The following PAPPA2 variants were observed in gnomAD, a reference collection of about 807,000 sequenced individuals.
PAPPA2 encodes the protein pappalysin 2, also known as pappalysin-2.
In PAPPA2, 86 loss-of-function variants were observed where a neutral mutation model predicts 176.4. The observed-to-expected ratio is 0.49, with a 90% confidence interval of 0.41 to 0.58. The LOEUF (loss-of-function observed/expected upper bound fraction) is 0.58. PAPPA2 is among the 20% of genes least tolerant of loss of function. PAPPA2 has a pLI of 0.00. For missense variants in PAPPA2, 2,073 were observed against 2,256.9 expected (o/e 0.92, Z 1.65); for synonymous variants, 809 against 852.2 (o/e 0.95, Z 0.88).
chr1:176,778,786 C>T (rs1319711208), intron 17 of PAPPA2, among the ~76,000 whole-genome samples: 1 of 152,180 alleles, frequency 6.6e-6, no homozygotes, highest in Non-Finnish European at 1.5e-5. Context: ...AATTTGTTTT[C>T]TTTCCAATAA....
intron 8 of PAPPA2, 60 bp from the exon 9 acceptor site, chr1:176,702,547 G>C (rs1460841006): frequency 3.1e-6 from 5 of 1,594,434 alleles, no homozygotes; most frequent in Non-Finnish European, 3.4e-6. Flanking sequence ...CATCAACAAA[G>C]GACCCAGGGC....
chr1:176,477,612 G>T (rs915549077), intron 1 of PAPPA2, among the ~76,000 whole-genome samples: 27 of 152,050 alleles, frequency 1.8e-4, no homozygotes, highest in African/African-American at 5.3e-4. Flanking sequence ...GGGAGTGGTG[G>T]TGTGTGCCTG....
chr1:176,495,394 G>T (rs1647548062), intron 1 of PAPPA2, among the ~76,000 whole-genome samples: 1 of 151,984 alleles, frequency 6.6e-6, no homozygotes, highest in African/African-American at 2.4e-5. Flanking sequence ...TACAAAATTA[G>T]CCGGACATGG....
chr1:176,757,336 GTTC>G (rs1324387341), intron 14 of PAPPA2, among the ~76,000 whole-genome samples: 2 of 152,122 alleles, frequency 1.3e-5, no homozygotes, highest in African/African-American at 2.4e-5. Flanking sequence ...GTGTAAAAGC[GTTC>G]TTATTTCTCC....
chr1:176,730,713 G>T (rs1487183342), intron 12 of PAPPA2, among the ~76,000 whole-genome samples: 1 of 151,350 alleles, frequency 6.6e-6, no homozygotes, highest in Non-Finnish European at 1.5e-5. Flanking sequence ...GAAATGTTTG[G>T]CTAATTTGTT....
chr1:176,572,171 C>T (rs936074450), intron 2 of PAPPA2, among the ~76,000 whole-genome samples: 7 of 152,170 alleles, frequency 4.6e-5, no homozygotes, highest in Non-Finnish European at 7.3e-5. Context: ...TCCAGGATGC[C>T]TCTGATTAAT....
chr1:176,587,835 G>A (rs554652513), intron 2 of PAPPA2, among the ~76,000 whole-genome samples: 24 of 152,292 alleles, frequency 1.6e-4, no homozygotes, highest in South Asian at 2.1e-4. Context: ...CATGGCACAC[G>A]TATACCTATG....
chr1:176,678,657 A>G (rs867861791), intron 4 of PAPPA2, among the ~76,000 whole-genome samples: 11 of 151,334 alleles, frequency 7.3e-5, no homozygotes, highest in South Asian at 6.2e-4. Context: ...GCTGGGAGTC[A>G]GGCCAGTAAG....
At chr1:176,788,221 A>G (rs1028067819) in intron 17 of PAPPA2, among the ~76,000 whole-genome samples, 1 of 152,238 alleles carries the variant, frequency 6.6e-6, no homozygotes, top group African/African-American at 2.4e-5. Context: ...TATAAACCAG[A>G]TATCACTTTA....
At chr1:176,750,782 G>A (rs1663137275) in intron 14 of PAPPA2, among the ~76,000 whole-genome samples, 1 of 152,130 alleles carries the variant, frequency 6.6e-6, no homozygotes, top group Non-Finnish European at 1.5e-5. Flanking sequence ...TTATTGAGTG[G>A]AAATGGATCA....
chr1:176,717,916 A>T (rs1243727387), intron 12 of PAPPA2, among the ~76,000 whole-genome samples: 2 of 152,006 alleles, frequency 1.3e-5, no homozygotes, highest in Non-Finnish European at 2.9e-5. Context: ...AACTTTCTTT[A>T]TTTTACTGTC....
intron 1 of PAPPA2, among the ~76,000 whole-genome samples, chr1:176,541,906 T>C (rs1392852764): frequency 6.6e-6 from 1 of 152,246 alleles, no homozygotes. Flanking sequence ...GTTGTAGTCA[T>C]GCTGACTCTA....
intron 1 of PAPPA2, among the ~76,000 whole-genome samples, chr1:176,467,865 C>T (rs1651698110): frequency 1.3e-5 from 2 of 152,156 alleles, no homozygotes; most frequent in Non-Finnish European, 2.9e-5. Flanking sequence ...GTACCAGGAA[C>T]TGTGTTAGGT....
intron 21 of PAPPA2, among the ~76,000 whole-genome samples, chr1:176,816,762 T>G (rs939330372): frequency 2.6e-5 from 4 of 152,158 alleles, no homozygotes; most frequent in Non-Finnish European, 5.9e-5. Context: ...GTGCTATTAC[T>G]ACTAACTACT....
At chr1:176,468,332 A>G (rs543749429) in intron 1 of PAPPA2, among the ~76,000 whole-genome samples, 2 of 152,218 alleles carry the variant, frequency 1.3e-5, no homozygotes, top group South Asian at 2.1e-4. Flanking sequence ...GTGTTTAACC[A>G]GCACCAGGAA....
intron 3 of PAPPA2, among the ~76,000 whole-genome samples, chr1:176,598,744 C>T (rs1654120005): frequency 6.6e-6 from 1 of 152,130 alleles, no homozygotes; most frequent in Non-Finnish European, 1.5e-5. Flanking sequence ...TTTTTACACT[C>T]CTATAGAGCT....
intron 2 of PAPPA2, among the ~76,000 whole-genome samples, chr1:176,558,477 C>T (rs569533811): frequency 1.1e-4 from 17 of 152,332 alleles, no homozygotes; most frequent in Non-Finnish European, 2.4e-4. Flanking sequence ...CTGTCTCCCC[C>T]TCTTTGGCTG....
Position 176,557,112 on chromosome 1 carries a change from T to A in PAPPA2, c.790T>A (p.Tyr264Asn). The A allele has an allele frequency of 1.2e-6, 2 of 1,613,872 alleles. No homozygotes were observed. The highest frequency in any genetic ancestry group is 1.7e-6 in the Non-Finnish European group (2 of 1,179,990). ...CTCCCAAGTAGGACTGCCCATCTTA[T>A]ACTTCTCTGGGAGGCGGGAGCGGCT... Reference protein sequence around the residue: ...FNSQVGLPILYFSGRRERLLL... With the variant: ...FNSQVGLPILNFSGRRERLLL... The change falls in exon 2 of 23, where the codon TAC becomes AAC. Residue 264 changes from tyrosine to asparagine, a missense_variant. By Grantham distance (143) the Tyr-to-Asn change is moderately radical. Around this residue, in one of 4 missense-constraint regions of PAPPA2, gnomAD observed 1,196 missense variants for 1,330.4 expected, o/e 0.90. Transcript: ENST00000367662.
At chr1:176,673,966 C>G (rs545219188) in intron 4 of PAPPA2, among the ~76,000 whole-genome samples, 1 of 151,972 alleles carries the variant, frequency 6.6e-6, no homozygotes, top group Non-Finnish European at 1.5e-5. Context: ...AGACCAGGAT[C>G]CTAGAGAAAT....
Sources: gnomAD v4.1 joint callset for allele counts (sites outside exome capture counted in the v4.1 genomes callset) on GRCh38, gnomAD v4.1.1 for gene constraint, gnomAD v4.1.1 regional missense constraint, MANE v1.5 for transcripts, NCBI Gene and HGNC (gene_info 2026-07-23, HGNC 2026-07-21) for gene names.